CTDSPL2: variants seen among roughly 807,000 people sequenced by gnomAD.
CTDSPL2 encodes the protein CTD small phosphatase-like protein 2.
A neutral mutation model predicts 60.0 loss-of-function variants in CTDSPL2; 5 were observed. The ratio of observed to expected loss-of-function variants is 0.08; its 90% CI spans 0.04 to 0.18. The LOEUF is 0.18. Among genes scored for constraint, CTDSPL2 ranks in the 10% least tolerant of loss-of-function variants. CTDSPL2 has a pLI of 1.00. For synonymous variants in CTDSPL2, 186 were observed against 189.3 expected (o/e 0.98, Z 0.14); for missense variants, 370 against 548.8 (o/e 0.67, Z 3.26).
chr15:44,446,233 C>G (rs566332194), intron 1 of CTDSPL2, among the ~76,000 whole-genome samples: 6 of 151,682 alleles, frequency 4.0e-5, no homozygotes, highest in African/African-American at 1.5e-4. Flanking sequence ...CATAAACTTA[C>G]AGCTTTTACA....
At chr15:44,504,225 C>T (rs1370664538) in intron 8 of CTDSPL2, among the ~76,000 whole-genome samples, 1 of 152,102 alleles carries the variant, frequency 6.6e-6, no homozygotes, top group African/African-American at 2.4e-5. Context: ...TGGCAGGTGC[C>T]TGTAATCCCA....
At chr15:44,481,895 T>G (rs764825471) in intron 2 of CTDSPL2, among the ~76,000 whole-genome samples, 2 of 152,208 alleles carry the variant, frequency 1.3e-5, no homozygotes, top group Non-Finnish European at 2.9e-5. Context: ...TAATTAAAAC[T>G]GATAATCTGC....
intron 3 of CTDSPL2, 31 bp downstream of exon 3, chr15:44,484,393 A>C (rs2081082530): frequency 6.3e-7 from 1 of 1,591,240 alleles, no homozygotes. Flanking sequence ...TGTTTTATTT[A>C]GGTGTAAGCA....
intron 1 of CTDSPL2, among the ~76,000 whole-genome samples, chr15:44,440,488 G>T (rs1038313531): frequency 1.3e-5 from 2 of 151,960 alleles, no homozygotes; most frequent in Non-Finnish European, 2.9e-5. Context: ...GAGCCACTGC[G>T]CCTGGTCCTG....
intron 3 of CTDSPL2, 26 bp downstream of exon 3, chr15:44,484,388 T>C (rs2081082495): frequency 1.3e-6 from 2 of 1,597,870 alleles, no homozygotes; most frequent in South Asian, 2.2e-5. Flanking sequence ...GATACTGTTT[T>C]ATTTAGGTGT....
rs546898616 is a variant in CTDSPL2, at chr15:44,484,648, G to T, written c.325+286G>T. Among the ~76,000 whole-genome samples the T allele has an allele frequency of 7.6e-4, 116 of 152,322 alleles. 3 individuals are homozygous for T. In the South Asian group the frequency reaches 0.024, roughly 31 times the overall value. On this transcript the variant is annotated intron_variant, in intron 3 of 12. Transcript: ENST00000260327. ...TCAGCTACTCAGGTGGCTGAAGGTT[G>T]AGAATCGCTGGAACCCGGGAGGCAG... is the stretch of plus-strand genomic sequence containing the variant.
At chr15:44,481,171 ACTGGGGGGAAATAAAAGGAT>A (rs1316488604) in intron 2 of CTDSPL2, among the ~76,000 whole-genome samples, 1 of 152,220 alleles carries the variant, frequency 6.6e-6, no homozygotes, top group African/African-American at 2.4e-5. Context: ...CCCTGTCTCT[ACTGGGGGGAAATAAAAGGAT>A]TGGATCATTA....
chr15:44,453,903 T>A (rs1043505340), intron 1 of CTDSPL2, among the ~76,000 whole-genome samples: 1 of 152,164 alleles, frequency 6.6e-6, no homozygotes, highest in African/African-American at 2.4e-5. Flanking sequence ...CATGTGTCTT[T>A]ATAGCAGCAT....
At chr15:44,436,599 T>C (rs1316702105) in intron 1 of CTDSPL2, among the ~76,000 whole-genome samples, 1 of 152,238 alleles carries the variant, frequency 6.6e-6, no homozygotes, top group Non-Finnish European at 1.5e-5. Context: ...TAACTAATGA[T>C]AGATTAAGGA....
chr15:44,434,508 C>T (rs752161462), intron 1 of CTDSPL2, among the ~76,000 whole-genome samples: 14 of 152,302 alleles, frequency 9.2e-5, no homozygotes, highest in South Asian at 2.1e-4. Flanking sequence ...ATCCTCCTGC[C>T]GCAGCCTCCC....
chr15:44,448,315 C>T (rs146187046), intron 1 of CTDSPL2: 8 of 269,500 alleles, frequency 3.0e-5, no homozygotes, highest in South Asian at 3.9e-5. Flanking sequence ...CAGGCCCATG[C>T]GCTCCCTGTG....
At chr15:44,469,639 C>T (rs1193193651) in intron 2 of CTDSPL2, among the ~76,000 whole-genome samples, 2 of 152,038 alleles carry the variant, frequency 1.3e-5, no homozygotes, top group East Asian at 3.9e-4. Flanking sequence ...AGCACATATT[C>T]TATCTTGTTG....
At chr15:44,486,379 C>G (rs1309576543) in intron 3 of CTDSPL2, among the ~76,000 whole-genome samples, 172 bp from the exon 4 acceptor site, 1 of 152,122 alleles carries the variant, frequency 6.6e-6, no homozygotes, top group Admixed American at 6.5e-5. Context: ...ATTTGACTTA[C>G]GAGTAATTTA....
intron 7 of CTDSPL2, among the ~76,000 whole-genome samples, chr15:44,497,746 G>T (rs1490206798): frequency 6.6e-6 from 1 of 152,074 alleles, no homozygotes; most frequent in Admixed American, 6.6e-5. Flanking sequence ...TGTAATCCTA[G>T]AACTTTGGGA....
chr15:44,448,600 C>CCCACAT, intron 1 of CTDSPL2: 1 of 296,410 alleles, frequency 3.4e-6, no homozygotes, highest in Non-Finnish European at 6.6e-6. Flanking sequence ...GCCAAATTGA[C>CCCACAT]CCACATTTTC....
intron 5 of CTDSPL2, among the ~76,000 whole-genome samples, chr15:44,493,195 A>G (rs751234679): frequency 2.6e-5 from 4 of 152,186 alleles, no homozygotes; most frequent in Admixed American, 2.0e-4. Flanking sequence ...GAGTGCTGCT[A>G]CAAAGAAGTG....
chr15:44,523,256 C>G (rs980323072), intron 12 of CTDSPL2, among the ~76,000 whole-genome samples: 17 of 152,236 alleles, frequency 1.1e-4, no homozygotes, highest in African/African-American at 4.1e-4. Context: ...GTTGGCTTCC[C>G]AAAGTGCTGG....
At chr15:44,521,504 A>AT in intron 12 of CTDSPL2, 98 bp downstream of exon 12, 1 of 639,902 alleles carries the variant, frequency 1.6e-6, no homozygotes, top group Non-Finnish European at 2.6e-6. Context: ...ACTGACTTAT[A>AT]AAGTCAACTG....
intron 8 of CTDSPL2, among the ~76,000 whole-genome samples, chr15:44,510,592 A>T (rs2081549829): frequency 6.6e-6 from 1 of 152,190 alleles, no homozygotes; most frequent in Admixed American, 6.5e-5. Flanking sequence ...GAGATTACAT[A>T]ATTTTGAAGA....
Sources: allele counts gnomAD v4.1 joint callset (sites outside exome capture counted in the v4.1 genomes callset), GRCh38; gene constraint gnomAD v4.1.1; transcripts MANE v1.5; gene names NCBI Gene and HGNC (gene_info 2026-07-23, HGNC 2026-07-21).